The following GRIK1 variants were observed in gnomAD, a reference collection of about 807,000 sequenced individuals.
GRIK1 encodes the protein glutamate receptor ionotropic, kainate 1.
In GRIK1, 69 loss-of-function variants were observed where a neutral mutation model predicts 105.7. The ratio of observed to expected loss-of-function variants is 0.65; its 90% CI spans 0.54 to 0.80. The LOEUF is 0.80. Among genes scored for constraint, GRIK1 ranks in the 30% least tolerant of loss-of-function variants. The probability of loss-of-function intolerance (pLI) is 0.00; values close to 1 mark genes in which losing one functional copy is unlikely to be tolerated. For synonymous variants in GRIK1, 438 were observed against 431.3 expected (o/e 1.02, Z -0.19); for missense variants, 1,109 against 1,167.3 (o/e 0.95, Z 0.73).
intron 1 of GRIK1, among the ~76,000 whole-genome samples, chr21:29,780,376 AT>A (rs1319735393): frequency 6.6e-6 from 1 of 152,230 alleles, no homozygotes; most frequent in African/African-American, 2.4e-5. Context: ...TTATTGGAAT[AT>A]TTACAAAGAT....
intron 6 of GRIK1, among the ~76,000 whole-genome samples, chr21:29,646,023 C>G (rs140110789): frequency 1.6e-3 from 242 of 152,314 alleles, no homozygotes; most frequent in African/African-American, 5.6e-3. Flanking sequence ...CCTTGACTGG[C>G]TCTTGAGAGA....
intron 1 of GRIK1, among the ~76,000 whole-genome samples, chr21:29,881,205 T>C (rs1338892321): frequency 6.6e-6 from 1 of 152,282 alleles, no homozygotes; most frequent in East Asian, 1.9e-4. Flanking sequence ...CCTCTTAGTA[T>C]AGCTTTGCCT....
chr21:29,665,744 A>C (rs970177087), intron 4 of GRIK1, among the ~76,000 whole-genome samples: 1 of 152,246 alleles, frequency 6.6e-6, no homozygotes. Context: ...AGAGGCATCA[A>C]CAGAATTTCT....
At chr21:29,819,654 T>C (rs2067245002) in intron 1 of GRIK1, among the ~76,000 whole-genome samples, 1 of 151,972 alleles carries the variant, frequency 6.6e-6, no homozygotes, top group African/African-American at 2.4e-5. Flanking sequence ...AAAACTAACT[T>C]CTATAAGGTC....
chr21:29,916,243 T>A (rs1324148382), intron 1 of GRIK1, among the ~76,000 whole-genome samples: 1 of 151,948 alleles, frequency 6.6e-6, no homozygotes, highest in Non-Finnish European at 1.5e-5. Flanking sequence ...ATATCCATAT[T>A]ATAATGTTGT....
chr21:29,802,657 A>G (rs1292741753), intron 1 of GRIK1, among the ~76,000 whole-genome samples: 1 of 152,126 alleles, frequency 6.6e-6, no homozygotes, highest in African/African-American at 2.4e-5. Flanking sequence ...CACTGACTGA[A>G]ATGCAATTTC....
chr21:29,764,293 A>T (rs1189094100), intron 1 of GRIK1, among the ~76,000 whole-genome samples: 1 of 152,124 alleles, frequency 6.6e-6, no homozygotes, highest in East Asian at 1.9e-4. Flanking sequence ...TGCCACAGAA[A>T]ACACTTTATT....
chr21:29,811,145 C>A (rs898729833), intron 1 of GRIK1, among the ~76,000 whole-genome samples: 1 of 152,002 alleles, frequency 6.6e-6, no homozygotes, highest in East Asian at 1.9e-4. Context: ...GGCATTCCAT[C>A]GCATTCTTGG....
chr21:29,710,955 A>G (rs12626911), intron 1 of GRIK1, among the ~76,000 whole-genome samples: 2,647 of 150,704 alleles, frequency 0.018, 102 homozygotes, highest in East Asian at 0.17. Flanking sequence ...CCATTCTTGG[A>G]TTGTCGCCTT....
chr21:29,654,634 AG>A (rs2062811770), intron 5 of GRIK1, among the ~76,000 whole-genome samples, 175 bp downstream of exon 5: 2 of 120,200 alleles, frequency 1.7e-5, no homozygotes, highest in African/African-American at 4.2e-5. Flanking sequence ...AGAAAGAGAA[AG>A]AAAGAAAGAA....
At position 29,537,334 on chromosome 21, in the gene GRIK1, G is replaced by T; in HGVS notation, c.2746C>A (p.Gln916Lys). ...CTTGACTTTTTCTTTATTTTTTTCT[G>T]ATTCTTCAGTGAGATTCCCAGTTCT... ...MEELGISLKNQKKIKKKSRTK... is the reference protein window; with the variant it reads ...MEELGISLKNKKKIKKKSRTK... Residue 916 changes from glutamine to lysine, a missense_variant, in exon 18 of 18, where the codon CAG (glutamine) becomes AAG (lysine). Around this residue, in one of 5 missense-constraint regions of GRIK1, gnomAD observed 161 missense variants for 143.4 expected, o/e 1.12. Coordinates refer to ENST00000327783, the MANE Select transcript of GRIK1 (RefSeq NM_001330994.2). The T allele has an allele frequency of 6.2e-7, 1 of 1,610,384 alleles. No individual in the cohort carries two copies. The highest frequency in any genetic ancestry group is 1.1e-5 in the South Asian group (1 of 90,834).
chr21:29,544,581 A>G (rs2090022288), intron 16 of GRIK1, among the ~76,000 whole-genome samples: 1 of 152,196 alleles, frequency 6.6e-6, no homozygotes, highest in African/African-American at 2.4e-5. Context: ...GGGATGATAT[A>G]GAAAGAAAAA....
chr21:29,849,662 C>G (rs1199401860), intron 1 of GRIK1, among the ~76,000 whole-genome samples: 1 of 152,190 alleles, frequency 6.6e-6, no homozygotes, highest in Admixed American at 6.5e-5. Context: ...GTGCTTATCC[C>G]CTTCTCTCTG....
intron 4 of GRIK1, among the ~76,000 whole-genome samples, chr21:29,666,670 T>C (rs1776756860): frequency 1.3e-5 from 2 of 152,248 alleles, no homozygotes; most frequent in Admixed American, 6.5e-5. Flanking sequence ...CATTCTCTAC[T>C]GGGCCATTGG....
chr21:29,673,115 A>G lies in GRIK1; in HGVS notation c.594T>C (p.Ile198=). 1 of 1,612,722 alleles carries G rather than the reference A, an allele frequency of 6.2e-7. No homozygotes were observed. Among genetic ancestry groups the G allele is most frequent in the Non-Finnish European group, 8.5e-7 (1 of 1,178,816 alleles). ...ELIKAPSRYN[I]KIKIRQLPSG... ...AGGGCAGCTGGCGGATTTTGATTTT[A>G]ATATTATATCTGGAGGGAGCTTTGA... Residue 198 remains isoleucine, a synonymous_variant, in exon 4 of 18, where the codon ATT becomes ATC. Coordinates refer to ENST00000327783, the MANE Select transcript of GRIK1 (RefSeq NM_001330994.2).
chr21:29,864,211 A>ATGT (rs1447149234), intron 1 of GRIK1, among the ~76,000 whole-genome samples: 5 of 152,062 alleles, frequency 3.3e-5, no homozygotes, highest in African/African-American at 1.2e-4. Context: ...CTTATTAGAA[A>ATGT]TGTTTAGTTA....
intron 1 of GRIK1, among the ~76,000 whole-genome samples, chr21:29,832,405 G>A (rs1307424049): frequency 6.6e-6 from 1 of 152,172 alleles, no homozygotes; most frequent in African/African-American, 2.4e-5. Flanking sequence ...TGCCCTAGTA[G>A]AAGTTCTCCA....
intron 1 of GRIK1, among the ~76,000 whole-genome samples, chr21:29,712,713 T>A (rs2064086405): frequency 6.6e-6 from 1 of 152,200 alleles, no homozygotes. Flanking sequence ...CCATTTTGAA[T>A]ATTTATATTT....
chr21:29,917,775 T>C (rs1448710659), intron 1 of GRIK1, among the ~76,000 whole-genome samples: 1 of 152,040 alleles, frequency 6.6e-6, no homozygotes, highest in Non-Finnish European at 1.5e-5. Flanking sequence ...AAATACATAG[T>C]TTCTGATGTA....
Sources: gnomAD v4.1 joint callset for allele counts (sites outside exome capture counted in the v4.1 genomes callset) on GRCh38, gnomAD v4.1.1 for gene constraint, gnomAD v4.1.1 regional missense constraint, MANE v1.5 for transcripts, NCBI Gene and HGNC (gene_info 2026-07-23, HGNC 2026-07-21) for gene names.